The following R3HDM2 variants were observed in gnomAD, a reference collection of about 807,000 sequenced individuals.
The protein encoded by R3HDM2 is R3H domain containing 2.
Under a neutral mutation model 124.5 loss-of-function variants are expected in R3HDM2, and 38 were observed. That is an observed-to-expected ratio of 0.31 (90% CI 0.24 to 0.40). The LOEUF is 0.40. R3HDM2 is among the 10% of genes least tolerant of loss of function. R3HDM2 has a pLI of 1.00. For missense variants in R3HDM2, 869 were observed against 1,236.9 expected, an observed-to-expected ratio of 0.70 and a Z score of 4.46; for synonymous variants, 391 against 448.0, an observed-to-expected ratio of 0.87 and a Z score of 1.61.
chr12:57,260,263 CAAAAAA>C (rs566868060), intron 19 of R3HDM2, among the ~76,000 whole-genome samples: 1,958 of 31,590 alleles, frequency 0.062, 148 homozygotes, highest in Admixed American at 0.097. Flanking sequence ...GACCCTGCCT[CAAAAAA>C]AAAAAAAAAA....
At chr12:57,277,694 C>G (rs1413861469) in intron 14 of R3HDM2, among the ~76,000 whole-genome samples, 2 of 152,114 alleles carry the variant, frequency 1.3e-5, no homozygotes, top group African/African-American at 4.8e-5. Flanking sequence ...GTAATCTGCC[C>G]TCCTCGGCCT....
rs534205889 is a variant in R3HDM2, at chr12:57,414,486, TAAAAA to T, written c.-106+16229_-106+16233del. Among the ~76,000 whole-genome samples, 5 of 66,636 alleles carry T rather than the reference TAAAAA, an allele frequency of 7.5e-5. No individual in the cohort carries two copies. In the East Asian group the frequency reaches 2.6e-3, roughly 34 times the overall value. The allele number at this position is 66,636 out of a possible 152,430, so 43.7% of individuals were successfully genotyped here. ...GCCTGGGCAAAGAGAAAGACTCCAT[TAAAAA>T]AAAAAAAAAAAAAAAAAAACGAAAA... On this transcript the variant is annotated intron_variant, in intron 1 of 23. Transcript: ENST00000402412.
intron 2 of R3HDM2, among the ~76,000 whole-genome samples, chr12:57,381,899 C>G (rs751061279): frequency 1.3e-5 from 2 of 152,040 alleles, no homozygotes; most frequent in African/African-American, 2.4e-5. Context: ...CTCACTGCAG[C>G]CTCAACCTCT....
At chr12:57,256,919 G>A (rs892702443) in intron 21 of R3HDM2, among the ~76,000 whole-genome samples, 1 of 151,666 alleles carries the variant, frequency 6.6e-6, no homozygotes, top group Admixed American at 6.6e-5. Context: ...CCTGGGAAGC[G>A]ATTCTCCTGC....
chr12:57,266,474 TC>T (rs1398160920), intron 19 of R3HDM2, among the ~76,000 whole-genome samples: 1 of 152,186 alleles, frequency 6.6e-6, no homozygotes. Context: ...GCTCAAGTGA[TC>T]CTCCTGCCTT....
At chr12:57,281,545 G>A (rs1357556466) in intron 13 of R3HDM2, among the ~76,000 whole-genome samples, 1 of 151,572 alleles carries the variant, frequency 6.6e-6, no homozygotes, top group Non-Finnish European at 1.5e-5. Context: ...GAATGCAGTG[G>A]CACGATCTTG....
chr12:57,262,573 G>C (rs778472285), intron 19 of R3HDM2, among the ~76,000 whole-genome samples: 14 of 152,188 alleles, frequency 9.2e-5, no homozygotes, highest in Non-Finnish European at 1.8e-4. Context: ...AGTTGTTCCA[G>C]GAACAGCTAA....
chr12:57,404,752 G>A (rs1419914209), intron 1 of R3HDM2, among the ~76,000 whole-genome samples: 3 of 151,940 alleles, frequency 2.0e-5, no homozygotes, highest in Admixed American at 2.0e-4. Flanking sequence ...AGCCATGTTG[G>A]CTCACACCTG....
rs200757143 is a variant in R3HDM2 at position 57,268,575 on chromosome 12, C to G, written c.1876-118G>C. ...ACTTCCTTCCCTACCTTAGATCCTC[C>G]TCCTGTTTTCCCCATCTGCCTAAAG... On this transcript the variant is annotated intron_variant, in intron 17 of 23. Transcript: ENST00000402412. 1.7e-4 allele frequency: 180 copies of G among 1,073,714 alleles called. No homozygotes were observed. The East Asian group carries it at 4.3e-3, about 25-fold the overall frequency. 66.5% of individuals were successfully genotyped at this position (1,073,714 alleles called of 1,614,324 possible). A position where few individuals can be genotyped will look rare whatever the true frequency, so the allele number is the denominator to read the frequency against.
chr12:57,420,017 G>C (rs2070034709), intron 1 of R3HDM2, among the ~76,000 whole-genome samples: 1 of 152,098 alleles, frequency 6.6e-6, no homozygotes, highest in African/African-American at 2.4e-5. Context: ...TCATAAGGCA[G>C]AAACTCTCTC....
chr12:57,423,614 C>T lies in R3HDM2; in HGVS notation c.-106+7106G>A, dbSNP rs568928531. Among the ~76,000 whole-genome samples the T allele has an allele frequency of 8.6e-5, 13 of 151,454 alleles. No homozygotes were observed. The South Asian group carries it at 2.7e-3, about 32-fold the overall frequency. ...ACTGTCTGAGCCCGGGAGTTTGAGA[C>T]CACCCTGGCCAACATGGTGAAACCC... On this transcript the variant is annotated intron_variant, in intron 1 of 23. Coordinates refer to ENST00000402412, the MANE Select transcript of R3HDM2 (RefSeq NM_001394031.1).
At chr12:57,364,159 T>C (rs2062310978) in intron 2 of R3HDM2, among the ~76,000 whole-genome samples, 2 of 149,684 alleles carry the variant, frequency 1.3e-5, no homozygotes, top group African/African-American at 4.9e-5. Flanking sequence ...TTTTTTTTTT[T>C]TTTTTTCAGA....
At chr12:57,265,129 T>C (rs1003560933) in intron 19 of R3HDM2, among the ~76,000 whole-genome samples, 1 of 152,182 alleles carries the variant, frequency 6.6e-6, no homozygotes, top group African/African-American at 2.4e-5. Context: ...ATGATGTCCA[T>C]TTATTTTCCA....
chr12:57,279,777 A>T (rs2045720316), intron 14 of R3HDM2, among the ~76,000 whole-genome samples: 1 of 152,022 alleles, frequency 6.6e-6, no homozygotes, highest in South Asian at 2.1e-4. Flanking sequence ...CTTCACTTAA[A>T]CTCTAGTTGG....
At chr12:57,384,079 A>G (rs1399554353) in intron 2 of R3HDM2, among the ~76,000 whole-genome samples, 4 of 152,076 alleles carry the variant, frequency 2.6e-5, no homozygotes, top group Non-Finnish European at 5.9e-5. Context: ...GTATGGAAAC[A>G]GGCCGGGCGC....
chr12:57,332,299 C>A (rs951822853), intron 2 of R3HDM2, among the ~76,000 whole-genome samples: 4 of 150,030 alleles, frequency 2.7e-5, no homozygotes, highest in African/African-American at 7.4e-5. Context: ...CCTGTAGTCC[C>A]AGCTACTTGG....
At chr12:57,426,066 A>C (rs1294217731) in intron 1 of R3HDM2, among the ~76,000 whole-genome samples, 3 of 152,104 alleles carry the variant, frequency 2.0e-5, no homozygotes, top group African/African-American at 7.2e-5. Flanking sequence ...TGTATCTACT[A>C]AAAATACAAA....
chr12:57,285,105 C>A (rs904801283), intron 12 of R3HDM2, among the ~76,000 whole-genome samples: 1 of 152,058 alleles, frequency 6.6e-6, no homozygotes, highest in Non-Finnish European at 1.5e-5. Flanking sequence ...AATAATTAAG[C>A]AAAAAATCAT....
intron 1 of R3HDM2, among the ~76,000 whole-genome samples, chr12:57,396,444 AAAAT>A (rs1317047192): frequency 6.6e-6 from 1 of 151,146 alleles, no homozygotes; most frequent in Admixed American, 6.6e-5. Flanking sequence ...CCGTCTCAAA[AAAAT>A]AAATAAATAA....
Sources: allele counts gnomAD v4.1 joint callset (sites outside exome capture counted in the v4.1 genomes callset), GRCh38; gene constraint gnomAD v4.1.1; transcripts MANE v1.5; gene names NCBI Gene and HGNC (gene_info 2026-07-23, HGNC 2026-07-21).